Variants in MTUS1 observed in about 807,000 individuals in gnomAD.
MTUS1 encodes the protein microtubule associated scaffold protein 1, also known as microtubule-associated tumor suppressor 1.
MTUS1 carries 109 observed loss-of-function variants against 120.8 expected under a neutral mutation model. That is an observed-to-expected ratio of 0.90 (90% CI 0.77 to 1.06). The LOEUF (loss-of-function observed/expected upper bound fraction) is 1.06. Among genes scored for constraint, MTUS1 ranks in the 50% least tolerant of loss-of-function variants. MTUS1 has a pLI of 0.00. For missense variants in MTUS1, 2,210 were observed against 1,486.3 expected (o/e 1.49, Z -8.01); for synonymous variants, 737 against 550.5 (o/e 1.34, Z -4.74).
chr8:17,682,061 T>A (rs1241307967), intron 7 of MTUS1, among the ~76,000 whole-genome samples: 1 of 152,192 alleles, frequency 6.6e-6, no homozygotes, highest in Non-Finnish European at 1.5e-5. Context: ...CAGTCTCATA[T>A]GGCTAGTGGC....
chr8:17,731,256 C>T (rs150549929), intron 3 of MTUS1, among the ~76,000 whole-genome samples: 35 of 152,242 alleles, frequency 2.3e-4, no homozygotes, highest in African/African-American at 8.2e-4. Context: ...TTGACAATCT[C>T]GAGGTAGATC....
intron 1 of MTUS1, among the ~76,000 whole-genome samples, chr8:17,778,417 G>A (rs921452647): frequency 6.6e-6 from 1 of 152,218 alleles, no homozygotes; most frequent in Non-Finnish European, 1.5e-5. Context: ...ATTTTGCTGA[G>A]TGTGGTTGGT....
intron 1 of MTUS1, among the ~76,000 whole-genome samples, chr8:17,779,241 T>C (rs2050689559): frequency 6.6e-6 from 1 of 152,220 alleles, no homozygotes. Flanking sequence ...TTTACTATTT[T>C]GCTGTGATAA....
rs1813157408 is a variant in MTUS1, at chr8:17,676,526, G to A, written c.2839-1274C>T. The A allele has an allele frequency of 1.7e-5, 10 of 581,398 alleles. No homozygotes were observed. In the South Asian group the frequency reaches 2.2e-4, roughly 13 times the overall value. The allele number at this position is 581,398 out of a possible 1,614,324, so 36.0% of individuals were successfully genotyped here. On this transcript the variant is annotated intron_variant, in intron 7 of 14. Transcript: ENST00000693296. ...TTCCTCACTCACAGAAGCTGATACTGCAGCTTCTGCCTTTGGCACAGGCAG... is the reference window on the plus strand; with the variant it reads ...TTCCTCACTCACAGAAGCTGATACTACAGCTTCTGCCTTTGGCACAGGCAG...
At chr8:17,757,416 C>G (rs2048707738) in intron 1 of MTUS1, among the ~76,000 whole-genome samples, 1 of 152,214 alleles carries the variant, frequency 6.6e-6, no homozygotes, top group African/African-American at 2.4e-5. Flanking sequence ...AAACTATGTA[C>G]TGATGATGGC....
intron 13 of MTUS1, among the ~76,000 whole-genome samples, chr8:17,648,683 A>C (rs182963654): frequency 6.6e-6 from 1 of 152,322 alleles, no homozygotes; most frequent in African/African-American, 2.4e-5. Flanking sequence ...CAGAAGTCAT[A>C]GTCTCCAGAA....
intron 1 of MTUS1, among the ~76,000 whole-genome samples, chr8:17,779,781 T>C (rs768627374): frequency 7.2e-5 from 11 of 152,226 alleles, no homozygotes; most frequent in Non-Finnish European, 1.2e-4. Context: ...CATCCAAGTG[T>C]TGGAGGGGGG....
chr8:17,797,776 T>C (rs1434092527), intron 1 of MTUS1, among the ~76,000 whole-genome samples: 3 of 152,210 alleles, frequency 2.0e-5, no homozygotes, highest in African/African-American at 7.2e-5. Flanking sequence ...TATGGTCCTA[T>C]CGCTTACTCT....
At chr8:17,752,056 C>T (rs2048242315) in intron 2 of MTUS1, among the ~76,000 whole-genome samples, 1 of 152,068 alleles carries the variant, frequency 6.6e-6, no homozygotes, top group South Asian at 2.1e-4. Context: ...TCCATTTCAA[C>T]CTGATGATTC....
In MTUS1 at chr8:17,743,657, G is replaced by A. The variant is rs1035734337; in HGVS notation, c.2234C>T (p.Pro745Leu). 6.2e-7 allele frequency: 1 copy of A among 1,613,970 alleles called. No homozygotes were observed. The highest frequency in any genetic ancestry group is 1.3e-5 in the African/African-American group (1 of 74,872). Residue 745 changes from proline to leucine, a missense_variant, in exon 3 of 15, where the codon CCC becomes CTC. By Grantham distance (98) the Pro-to-Leu change is moderately conservative. Transcript: ENST00000693296. ...CLRRNSDNRN[P>L]SADRAVSPQR... is the part of the protein sequence containing the mutation. Reference sequence around the variant, plus strand: ...AGGAGATACGGCTCGATCAGCACTGGGATTTCTATTGTCACTGTTCCGCCT... The same window carrying A: ...AGGAGATACGGCTCGATCAGCACTGAGATTTCTATTGTCACTGTTCCGCCT...
chr8:17,781,756 A>G (rs928211062), intron 1 of MTUS1, among the ~76,000 whole-genome samples: 3 of 152,038 alleles, frequency 2.0e-5, no homozygotes, highest in Admixed American at 6.6e-5. Flanking sequence ...CATGTGATCA[A>G]CCTCTGGCAT....
Position 17,755,359 on chromosome 8 carries a change from C to G in MTUS1, c.449G>C (p.Gly150Ala). Residue 150 changes from glycine (G) to alanine (A), a missense_variant, in exon 2 of 15, where the codon GGC (glycine) becomes GCC (alanine). Gly to Ala is a moderately conservative substitution (Grantham distance 60, BLOSUM62 0). Transcript: ENST00000693296. ...GTTTAGCTCCAAGGCATCACAGTAGCCTGCACAGTTCAAATTGTCATTAGG... is the reference window on the plus strand; with the variant it reads ...GTTTAGCTCCAAGGCATCACAGTAGGCTGCACAGTTCAAATTGTCATTAGG... ...WKPNDNLNCA[G>A]YCDALELNQT... The G allele has an allele frequency of 6.2e-7, 1 of 1,614,178 alleles. No homozygotes were observed. The highest frequency in any genetic ancestry group is 2.2e-5 in the East Asian group (1 of 44,882).
intron 4 of MTUS1, among the ~76,000 whole-genome samples, chr8:17,718,890 C>T (rs1025067720): frequency 1.3e-5 from 2 of 151,272 alleles, no homozygotes; most frequent in African/African-American, 2.4e-5. Flanking sequence ...GCTTCTCATG[C>T]TGGGCACAGT....
intron 8 of MTUS1, among the ~76,000 whole-genome samples, chr8:17,668,653 T>G (rs942534883): frequency 6.6e-6 from 1 of 152,220 alleles, no homozygotes; most frequent in East Asian, 1.9e-4. Context: ...GTGGATTTCA[T>G]TTTTTAATTA....
Position 17,684,499 on chromosome 8 carries a change from C to T in MTUS1, c.2667G>A (p.Gln889=). The change falls in exon 7 of 15, where the codon CAG becomes CAA. Residue 889 remains glutamine (Q), a synonymous_variant. Transcript: ENST00000693296. ...RQKNPRSLCI[Q]PQTAPDALPP... is the part of the protein sequence containing the mutation. ...GCAGCGCATCGGGAGCTGTCTGTGG[C>T]TGGATACATAAGCTTCGAGGATTCT... 6.2e-7 allele frequency: 1 copy of T among 1,614,184 alleles called. No homozygotes were observed. Among genetic ancestry groups the T allele is most frequent in the Non-Finnish European group, 8.5e-7 (1 of 1,180,032 alleles).
intron 6 of MTUS1, among the ~76,000 whole-genome samples, chr8:17,712,124 C>A (rs903605430): frequency 6.6e-6 from 1 of 152,160 alleles, no homozygotes; most frequent in Non-Finnish European, 1.5e-5. Flanking sequence ...AAGTGAGCAA[C>A]TGCTGTTGGA....
rs200278118 is a variant in MTUS1 at position 17,649,986 on chromosome 8, T to C, written c.3385-24A>G. 728 of 1,163,310 alleles carry C rather than the reference T, an allele frequency of 6.3e-4. 3 individuals carry two copies. In the Middle Eastern group the frequency reaches 8.1e-3, roughly 13 times the overall value. 72.1% of individuals were successfully genotyped at this position (1,163,310 alleles called of 1,614,324 possible). A position where few individuals can be genotyped will look rare whatever the true frequency, so the allele number is the denominator to read the frequency against. The stretch of plus-strand genomic sequence containing the variant: ...TTCTGGAAAGGACACAGCAAGATAC[T>C]GCTCTTATTCCACATAGTTCAAATT... On this transcript the variant is annotated intron_variant, in intron 12 of 14. Coordinates refer to ENST00000693296, the MANE Select transcript of MTUS1 (RefSeq NM_001363059.2).
chr8:17,719,895 G>A (rs971239800), intron 4 of MTUS1, among the ~76,000 whole-genome samples: 1 of 152,182 alleles, frequency 6.6e-6, no homozygotes, highest in African/African-American at 2.4e-5. Flanking sequence ...AAACAATGAG[G>A]CCCTGTCTTA....
chr8:17,723,852 C>A lies in MTUS1; in HGVS notation c.2288-19G>T, dbSNP rs778200268. 2 of 1,530,460 alleles carry A rather than the reference C, an allele frequency of 1.3e-6. No individual in the cohort carries two copies. Among genetic ancestry groups the A allele is most frequent in the Non-Finnish European group, 8.8e-7 (1 of 1,140,190 alleles). 94.8% of individuals were successfully genotyped at this position (1,530,460 alleles called of 1,614,324 possible). A position where few individuals can be genotyped will look rare whatever the true frequency, so the allele number is the denominator to read the frequency against. ...GGCTTTCCTTGGGGTTTAAAAAAAA[C>A]AAAAAGTTTCCAGTGCTATTCATCC... On this transcript the variant is annotated intron_variant, in intron 3 of 14. Coordinates refer to ENST00000693296, the MANE Select transcript of MTUS1 (RefSeq NM_001363059.2).
Sources: gnomAD v4.1 joint callset for allele counts (sites outside exome capture counted in the v4.1 genomes callset) on GRCh38, gnomAD v4.1.1 for gene constraint, MANE v1.5 for transcripts, NCBI Gene and HGNC (gene_info 2026-07-23, HGNC 2026-07-21) for gene names.